The following ZNF784 variants were observed in gnomAD, a reference collection of about 807,000 sequenced individuals.
The protein encoded by ZNF784 is zinc finger protein 784.
Under a neutral mutation model 3.3 loss-of-function variants are expected in ZNF784, and 5 were observed. The ratio of observed to expected loss-of-function variants is 1.53; its 90% CI spans 0.80 to 3.22. The LOEUF (loss-of-function observed/expected upper bound fraction) is 3.22. Among genes scored for constraint, ZNF784 ranks in the 30% most tolerant of loss-of-function variants. The probability of loss-of-function intolerance (pLI) is 0.00; values close to 1 mark genes in which losing one functional copy is unlikely to be tolerated. For synonymous variants in ZNF784, 231 were observed against 219.6 expected (o/e 1.05, Z -0.46); for missense variants, 501 against 480.7 (o/e 1.04, Z -0.39).
rs530988193 is a variant in ZNF784 at position 55,620,917 on chromosome 19, G to C, written c.*834C>G. 6.5e-6 allele frequency: 1 copy of C among 152,828 alleles called. No homozygotes were observed. Among genetic ancestry groups the C allele is most frequent in the African/African-American group, 2.4e-5 (1 of 41,572 alleles). The allele number at this position is 152,828 out of a possible 1,614,324, so 9.5% of individuals were successfully genotyped here. On this transcript the variant is annotated 3_prime_UTR_variant, in exon 2 of 2. Transcript: ENST00000325351. The stretch of plus-strand genomic sequence containing the variant: ...GCGGGGACTAGGCAGTAAGCTGTTT[G>C]CTTCGAACTGGGAGTGGAGGAAATT...
chr19:55,624,413 CGGA>C, intron 1 of ZNF784, 68 bp downstream of exon 1: 1 of 1,432,844 alleles, frequency 7.0e-7, no homozygotes, highest in Non-Finnish European at 9.5e-7. Context: ...GGCCACGCCC[CGGA>C]CCCGCCCCCC....
rs369259918 is a variant in ZNF784 at position 55,621,952 on chromosome 19, G to A, written c.771C>T (p.Cys257=). ...TGERPFRCTL[C]DRTFNNSSNF... ...TGGAGGAGTTGTTGAAGGTGCGGTC[G>A]CAGAGCGTGCAGCGGAACGGGCGCT... The change falls in exon 2 of 2, where the codon TGC becomes TGT. Residue 257 remains cysteine, a synonymous_variant. Coordinates refer to ENST00000325351, the MANE Select transcript of ZNF784 (RefSeq NM_203374.2). This position sits in a 1 kb window ranked among gnomAD's most constrained non-coding sequence, Gnocchi z 4.1. 59 of 1,595,432 alleles carry A rather than the reference G, an allele frequency of 3.7e-5. No individual in the cohort carries two copies. The highest frequency in any genetic ancestry group is 4.2e-5 in the Non-Finnish European group (50 of 1,177,610).
chr19:55,623,195 AATTATT>A (rs531728935), intron 1 of ZNF784, among the ~76,000 whole-genome samples: 54 of 152,124 alleles, frequency 3.5e-4, no homozygotes, highest in Non-Finnish European at 6.2e-4. Flanking sequence ...AACAAACAAA[AATTATT>A]ATTATTATTT....
rs1306182029 is a variant in ZNF784, at chr19:55,621,648, A to G, written c.*103T>C. Reference sequence around the variant, plus strand: ...CCCTGCAGCTGTCATCTCTCCCCCAATCTCCCCTCTTCTGTCCCCTGCCTC... The same window carrying G: ...CCCTGCAGCTGTCATCTCTCCCCCAGTCTCCCCTCTTCTGTCCCCTGCCTC... On this transcript the variant is annotated 3_prime_UTR_variant, in exon 2 of 2. Coordinates refer to ENST00000325351, the MANE Select transcript of ZNF784 (RefSeq NM_203374.2). The surrounding 1 kb of genome is among the most constrained non-coding windows in gnomAD (Gnocchi z 4.1). 3.6e-6 allele frequency: 5 copies of G among 1,405,718 alleles called. No individual in the cohort carries two copies. Among genetic ancestry groups the G allele is most frequent in the Middle Eastern group, 2.5e-4 (1 of 3,984 alleles). The allele number at this position is 1,405,718 out of a possible 1,614,324, so 87.1% of individuals were successfully genotyped here. A position where few individuals can be genotyped will look rare whatever the true frequency, so the allele number is the denominator to read the frequency against.
chr19:55,621,663 T>C lies in ZNF784; in HGVS notation c.*88A>G, dbSNP rs1600020289. The C allele has an allele frequency of 8.7e-6, 13 of 1,491,402 alleles. No individual in the cohort carries two copies. In the South Asian group the frequency reaches 1.6e-4, roughly 19 times the overall value. The allele number at this position is 1,491,402 out of a possible 1,614,324, so 92.4% of individuals were successfully genotyped here. On this transcript the variant is annotated 3_prime_UTR_variant, in exon 2 of 2. Coordinates refer to ENST00000325351, the MANE Select transcript of ZNF784 (RefSeq NM_203374.2). This position sits in a 1 kb window ranked among gnomAD's most constrained non-coding sequence, Gnocchi z 4.1. ...CTCTCCCCCAATCTCCCCTCTTCTG[T>C]CCCCTGCCTCCGTTTCCCCACCCCG...
chr19:55,624,409 G>A (rs1470657832), intron 1 of ZNF784, 75 bp downstream of exon 1: 21 of 448,976 alleles, frequency 4.7e-5, no homozygotes, highest in Non-Finnish European at 7.6e-5. Flanking sequence ...CATAGGCCAC[G>A]CCCCGGACCC....
At position 55,621,643 on chromosome 19, in the gene ZNF784, C is replaced by T; in HGVS notation, c.*108G>A. On this transcript the variant is annotated 3_prime_UTR_variant, in exon 2 of 2. Transcript: ENST00000325351. The surrounding 1 kb of genome is among the most constrained non-coding windows in gnomAD (Gnocchi z 4.1). ...ACCATCCCTGCAGCTGTCATCTCTC[C>T]CCCAATCTCCCCTCTTCTGTCCCCT... 1 of 1,387,182 alleles carries T rather than the reference C, an allele frequency of 7.2e-7. No homozygotes were observed. The highest frequency in any genetic ancestry group is 2.1e-5 in the Admixed American group (1 of 48,300). The allele number at this position is 1,387,182 out of a possible 1,614,324, so 85.9% of individuals were successfully genotyped here.
chr19:55,621,811 C>G lies in ZNF784; in HGVS notation c.912G>C (p.Gly304=), dbSNP rs1047950011. ...CCCCCCGCCCCTCCTCCGCAGGGTC[C>G]CCTACCCCACACCCGCTCCCCGACC... ...AEGSGSGCGV[G]DPAEEGRGET... Residue 304 remains glycine (G), a synonymous_variant, in exon 2 of 2, where the codon GGG becomes GGC. Coordinates refer to ENST00000325351, the MANE Select transcript of ZNF784 (RefSeq NM_203374.2). The surrounding 1 kb of genome is among the most constrained non-coding windows in gnomAD (Gnocchi z 4.1). 1.9e-6 allele frequency: 3 copies of G among 1,595,094 alleles called. No homozygotes were observed. The highest frequency in any genetic ancestry group is 1.7e-5 in the Admixed American group (1 of 59,806).
chr19:55,623,330 G>A (rs562762275), intron 1 of ZNF784, among the ~76,000 whole-genome samples: 136 of 152,310 alleles, frequency 8.9e-4, no homozygotes, highest in African/African-American at 3.1e-3. Flanking sequence ...CGCCGCGCCC[G>A]GCCCATCCTC....
Position 55,622,520 on chromosome 19 carries a change from G to A in ZNF784, c.203C>T (p.Ala68Val). Residue 68 changes from alanine (A) to valine (V), a missense_variant, in exon 2 of 2, where the codon GCC becomes GTC. Ala to Val is a moderately conservative substitution (Grantham distance 64, BLOSUM62 0). Transcript: ENST00000325351. The surrounding 1 kb of genome is among the most constrained non-coding windows in gnomAD (Gnocchi z 5.9). ...EPPEPGSFHC[A>V]LCPAAFRLVS... is the part of the protein sequence containing the mutation. ...CAGCCGGAAGGCAGCAGGGCACAAGGCACAGTGGAAAGAACCTGGCTCCGG... is the reference window on the plus strand; with the variant it reads ...CAGCCGGAAGGCAGCAGGGCACAAGACACAGTGGAAAGAACCTGGCTCCGG... The A allele has an allele frequency of 6.2e-7, 1 of 1,612,648 alleles. No individual in the cohort carries two copies. Among genetic ancestry groups the A allele is most frequent in the Non-Finnish European group, 8.5e-7 (1 of 1,179,714 alleles).
intron 1 of ZNF784, 77 bp downstream of exon 1, chr19:55,624,407 A>C (rs1042600048): frequency 2.0e-4 from 99 of 501,918 alleles, no homozygotes; most frequent in Non-Finnish European, 2.5e-4. Flanking sequence ...CTCATAGGCC[A>C]CGCCCCGGAC....
chr19:55,621,699 C>T lies in ZNF784; in HGVS notation c.*52G>A, dbSNP rs1981556159. 1 of 1,580,534 alleles carries T rather than the reference C, an allele frequency of 6.3e-7. No individual in the cohort carries two copies. Among genetic ancestry groups the T allele is most frequent in the East Asian group, 2.3e-5 (1 of 44,384 alleles). On this transcript the variant is annotated 3_prime_UTR_variant, in exon 2 of 2. Transcript: ENST00000325351. This position sits in a 1 kb window ranked among gnomAD's most constrained non-coding sequence, Gnocchi z 4.1. ...CGTTTCCCCACCCCGTCCCCCTCCC[C>T]GGGTCGGCCTCGTACCTCCGCCTTA... is the stretch of plus-strand genomic sequence containing the variant.
rs1266383044 is a variant in ZNF784, at chr19:55,621,703, T to C, written c.*48A>G. The C allele has an allele frequency of 1.4e-6, 2 of 1,429,054 alleles. No individual in the cohort carries two copies. The highest frequency in any genetic ancestry group is 3.0e-5 in the African/African-American group (2 of 67,212). The allele number at this position is 1,429,054 out of a possible 1,614,324, so 88.5% of individuals were successfully genotyped here. On this transcript the variant is annotated 3_prime_UTR_variant, in exon 2 of 2. Transcript: ENST00000325351. This position sits in a 1 kb window ranked among gnomAD's most constrained non-coding sequence, Gnocchi z 4.1. ...TCCCCACCCCGTCCCCCTCCCCGGG[T>C]CGGCCTCGTACCTCCGCCTTAACTA...
chr19:55,622,039 G>C lies in ZNF784; in HGVS notation c.684C>G (p.Ile228Met). ...HTGERPYHCG[I>M]CGKGFTQSSV... is the part of the protein sequence containing the mutation. ...AGGACTGGGTGAAGCCCTTGCCGCAGATGCCGCAATGGTATGGCCGCTCGC... is the reference window on the plus strand; with the variant it reads ...AGGACTGGGTGAAGCCCTTGCCGCACATGCCGCAATGGTATGGCCGCTCGC... Residue 228 changes from isoleucine to methionine, a missense_variant, in exon 2 of 2, where the codon ATC (isoleucine) becomes ATG (methionine). By Grantham distance (10) the Ile-to-Met change is conservative (BLOSUM62 1). Transcript: ENST00000325351. This position sits in a 1 kb window ranked among gnomAD's most constrained non-coding sequence, Gnocchi z 5.9. 1.3e-6 allele frequency: 2 copies of C among 1,592,732 alleles called. No individual in the cohort carries two copies. Among genetic ancestry groups the C allele is most frequent in the East Asian group, 2.2e-5 (1 of 44,554 alleles).
In ZNF784 at chr19:55,622,350, C is replaced by T; in HGVS notation, c.373G>A (p.Gly125Arg). ...AGCGCGCAGCGGTAGGGCCGCTCCC[C>T]CGTGTGCAAGCTGTAGTGCGCGCGC... Reference protein sequence around the residue: ...SLRAHYSLHTGERPYRCALCP... With the variant: ...SLRAHYSLHTRERPYRCALCP... Residue 125 changes from glycine (G) to arginine (R), a missense_variant, in exon 2 of 2, where the codon GGG becomes AGG. Transcript: ENST00000325351. This position sits in a 1 kb window ranked among gnomAD's most constrained non-coding sequence, Gnocchi z 5.9. 3 of 1,519,252 alleles carry T rather than the reference C, an allele frequency of 2.0e-6. No individual in the cohort carries two copies. The highest frequency in any genetic ancestry group is 1.4e-5 in the African/African-American group (1 of 72,106). 94.1% of individuals were successfully genotyped at this position (1,519,252 alleles called of 1,614,324 possible). A position where few individuals can be genotyped will look rare whatever the true frequency, so the allele number is the denominator to read the frequency against.
In ZNF784 at chr19:55,621,778, C is replaced by T. The variant is rs1981559897; in HGVS notation, c.945G>A (p.Ala315=). ...DPAEEGRGET[A]KVKVEADQ The stretch of plus-strand genomic sequence containing the variant: ...ACTGGTCGGCCTCCACCTTCACCTT[C>T]GCGGTCTCCCCCCGCCCCTCCTCCG... The change falls in exon 2 of 2, where the codon GCG becomes GCA. Residue 315 remains alanine (A), a synonymous_variant. Transcript: ENST00000325351. This position sits in a 1 kb window ranked among gnomAD's most constrained non-coding sequence, Gnocchi z 4.1. 3.8e-6 allele frequency: 6 copies of T among 1,597,354 alleles called. No homozygotes were observed. The highest frequency in any genetic ancestry group is 5.1e-6 in the Non-Finnish European group (6 of 1,179,710).
rs774921590 is a variant in ZNF784 at position 55,624,455 on chromosome 19, C to A, written c.78+29G>T. The A allele has an allele frequency of 3.8e-6, 6 of 1,580,686 alleles. No homozygotes were observed. The East Asian group carries it at 1.4e-4, about 37-fold the overall frequency. ...CTACGACCTCCTCCCACCTCGAGCC[C>A]CACGCCCAGGCCCCTTCCTTGCCCG... On this transcript the variant is annotated intron_variant, in intron 1 of 1. Coordinates refer to ENST00000325351, the MANE Select transcript of ZNF784 (RefSeq NM_203374.2).
chr19:55,621,884 G>A lies in ZNF784; in HGVS notation c.839C>T (p.Pro280Leu). The A allele has an allele frequency of 6.9e-7, 1 of 1,458,082 alleles. No individual in the cohort carries two copies. The highest frequency in any genetic ancestry group is 1.1e-5 in the South Asian group (1 of 87,502). 90.3% of individuals were successfully genotyped at this position (1,458,082 alleles called of 1,614,324 possible). A position where few individuals can be genotyped will look rare whatever the true frequency, so the allele number is the denominator to read the frequency against. The change falls in exon 2 of 2, where the codon CCG becomes CTG. Residue 280 changes from proline (P) to leucine (L), a missense_variant. Pro to Leu is a moderately conservative substitution (Grantham distance 98). Transcript: ENST00000325351. The surrounding 1 kb of genome is among the most constrained non-coding windows in gnomAD (Gnocchi z 4.1). ...HQRTHFHGPG[P>L]GLGDSGGQLG... Reference sequence around the variant, plus strand: ...CTGGCCTCCAGAGTCTCCCAGCCCCGGCCCCGGCCCGTGGAAGTGGGTGCG... The same window carrying A: ...CTGGCCTCCAGAGTCTCCCAGCCCCAGCCCCGGCCCGTGGAAGTGGGTGCG...
chr19:55,622,202 A>G lies in ZNF784; in HGVS notation c.521T>C (p.Val174Ala), dbSNP rs1215075166. 2 of 1,533,640 alleles carry G rather than the reference A, an allele frequency of 1.3e-6. No individual in the cohort carries two copies. The highest frequency in any genetic ancestry group is 1.7e-6 in the Non-Finnish European group (2 of 1,144,922). Residue 174 changes from valine to alanine, a missense_variant, in exon 2 of 2, where the codon GTG (valine) becomes GCG (alanine). Val to Ala is a moderately conservative substitution (Grantham distance 64). Coordinates refer to ENST00000325351, the MANE Select transcript of ZNF784 (RefSeq NM_203374.2). The surrounding 1 kb of genome is among the most constrained non-coding windows in gnomAD (Gnocchi z 5.9). ...TAAVAEQRPGVAPERAEVVMA... is the reference protein window; with the variant it reads ...TAAVAEQRPGAAPERAEVVMA... ...CACCACCTCCGCCCTCTCCGGGGCC[A>G]CCCCGGGCCTCTGTTCTGCAACGGC... is the stretch of plus-strand genomic sequence containing the variant.
Sources: allele counts gnomAD v4.1 joint callset (sites outside exome capture counted in the v4.1 genomes callset), GRCh38; gene constraint gnomAD v4.1.1; non-coding constraint Gnocchi (gnomAD v3.1); transcripts MANE v1.5; gene names NCBI Gene and HGNC (gene_info 2026-07-23, HGNC 2026-07-21).